NT5DC3: variants seen among roughly 807,000 people sequenced by gnomAD.
The protein encoded by NT5DC3 is 5'-nucleotidase domain containing 3.
Under a neutral mutation model 67.8 loss-of-function variants are expected in NT5DC3, and 42 were observed. The ratio of observed to expected loss-of-function variants is 0.62; its 90% confidence interval spans 0.48 to 0.80. The LOEUF (loss-of-function observed/expected upper bound fraction) is 0.80, where lower values mean the gene tolerates loss of function less well. NT5DC3 is among the 30% of genes least tolerant of loss of function. The pLI, the probability that NT5DC3 is intolerant of heterozygous loss-of-function variation, is 0.00. For synonymous variants in NT5DC3, 237 were observed against 255.6 expected (o/e 0.93, Z 0.69); for missense variants, 570 against 696.4 (o/e 0.82, Z 2.04).
chr12:103,835,597 T>C (rs1888112400), intron 1 of NT5DC3, among the ~76,000 whole-genome samples: 1 of 151,834 alleles, frequency 6.6e-6, no homozygotes, highest in African/African-American at 2.4e-5. Flanking sequence ...CTCCACCTCT[T>C]ACTAAATGTG....
At chr12:103,780,685 G>A (rs1198681974) in intron 12 of NT5DC3, among the ~76,000 whole-genome samples, 1 of 152,190 alleles carries the variant, frequency 6.6e-6, no homozygotes, top group Non-Finnish European at 1.5e-5. Flanking sequence ...ACACATGTAT[G>A]TGATATATCC....
chr12:103,755,997 G>T, the NT5DC3 span, among the ~76,000 whole-genome samples: 2 of 152,204 alleles, frequency 1.3e-5, no homozygotes, highest in Non-Finnish European at 2.9e-5. Context: ...GTTAATAGTT[G>T]TGAAGCATTT....
chr12:103,830,102 G>A (rs990223201), intron 1 of NT5DC3, among the ~76,000 whole-genome samples: 3 of 152,148 alleles, frequency 2.0e-5, no homozygotes, highest in Admixed American at 6.5e-5. Context: ...CGCAATAGGC[G>A]CTATTTTAAA....
chr12:103,832,551 C>T (rs963737123), intron 1 of NT5DC3, among the ~76,000 whole-genome samples: 2 of 151,880 alleles, frequency 1.3e-5, no homozygotes, highest in African/African-American at 4.8e-5. Flanking sequence ...TCCTCTTTAC[C>T]CTACCCAGAA....
chr12:103,749,159 G>A, the NT5DC3 span: 1 of 1,591,164 alleles, frequency 6.3e-7, no homozygotes, highest in Non-Finnish European at 8.6e-7. Context: ...CAGGCCCGGT[G>A]AGTCGCTCTT....
the NT5DC3 span, among the ~76,000 whole-genome samples, chr12:103,748,012 AAAG>A: frequency 6.8e-6 from 1 of 147,884 alleles, no homozygotes; most frequent in African/African-American, 2.5e-5. Flanking sequence ...AAAAAAAAAA[AAAG>A]GGAAGAAGAA....
At chr12:103,827,889 C>T (rs1267532245) in intron 1 of NT5DC3, among the ~76,000 whole-genome samples, 1 of 152,182 alleles carries the variant, frequency 6.6e-6, no homozygotes, top group Non-Finnish European at 1.5e-5. Context: ...TCTAAAATTA[C>T]ATCATGTCAA....
the NT5DC3 span, among the ~76,000 whole-genome samples, chr12:103,762,931 C>T: frequency 6.6e-6 from 1 of 152,196 alleles, no homozygotes; most frequent in Non-Finnish European, 1.5e-5. Context: ...GGGGCAGCAG[C>T]ACAGCGGTTG....
the NT5DC3 span, among the ~76,000 whole-genome samples, chr12:103,757,002 T>A: frequency 0.046 from 665 of 14,552 alleles, 10 homozygotes; most frequent in African/African-American, 0.25. Flanking sequence ...GGAAAATATA[T>A]ATATATATAT....
intron 9 of NT5DC3, chr12:103,789,189 C>T: frequency 5.5e-6 from 2 of 366,510 alleles, no homozygotes; most frequent in East Asian, 4.4e-5. Flanking sequence ...TTTGGGAAGC[C>T]AAGGCAGGTG....
chr12:103,754,487 G>A, the NT5DC3 span, among the ~76,000 whole-genome samples: 1 of 152,038 alleles, frequency 6.6e-6, no homozygotes, highest in Non-Finnish European at 1.5e-5. Flanking sequence ...AGTTAAAGGT[G>A]TTGACACATG....
rs146633362 is a variant in NT5DC3 at position 103,793,963 on chromosome 12, A to G, written c.788T>C (p.Met263Thr). The G allele has an allele frequency of 1.1e-4, 171 of 1,613,640 alleles. No individual in the cohort carries two copies. The highest frequency in any genetic ancestry group is 1.3e-4 in the Non-Finnish European group (150 of 1,179,662). ...AATGTCTGCTTCAATTGCTCTGTAC[A>G]TTATTCCTTTGATGTGGACGTCTCG... is the stretch of plus-strand genomic sequence containing the variant. Reference protein sequence around the residue: ...SIRDVHIKGIMYRAIEADIEK... With the variant: ...SIRDVHIKGITYRAIEADIEK... The change falls in exon 7 of 14, where the codon ATG (methionine) becomes ACG (threonine). Residue 263 changes from methionine (M) to threonine (T), a missense_variant. By Grantham distance (81) the Met-to-Thr change is moderately conservative. Around this residue, in one of 2 missense-constraint regions of NT5DC3, gnomAD observed 466 missense variants for 608.0 expected, o/e 0.77. Coordinates refer to ENST00000392876, the MANE Select transcript of NT5DC3 (RefSeq NM_001031701.3).
At chr12:103,840,433 TCCATCCCATC>T (rs1183284305) in intron 1 of NT5DC3, among the ~76,000 whole-genome samples, 9 of 123,830 alleles carry the variant, frequency 7.3e-5, no homozygotes, top group East Asian at 5.2e-4. Flanking sequence ...TCCATCCCAT[TCCATCCCATC>T]CCATCCCATC....
At chr12:103,823,196 A>G (rs1336441958) in intron 1 of NT5DC3, among the ~76,000 whole-genome samples, 1 of 151,654 alleles carries the variant, frequency 6.6e-6, no homozygotes, top group Non-Finnish European at 1.5e-5. Flanking sequence ...GAAGAGGTGA[A>G]AAATTTCCCG....
chr12:103,766,162 C>T, downstream of NT5DC3: 3 of 1,315,286 alleles, frequency 2.3e-6, no homozygotes, highest in African/African-American at 1.4e-5. Flanking sequence ...AACAAACACG[C>T]CCAGCACATA....
At chr12:103,759,035 G>C in the NT5DC3 span, 1 of 1,594,724 alleles carries the variant, frequency 6.3e-7, no homozygotes. Flanking sequence ...GGAAAGCCTA[G>C]GCCATGAGAA....
chr12:103,780,613 G>A (rs1037039692), intron 12 of NT5DC3, among the ~76,000 whole-genome samples: 5 of 152,146 alleles, frequency 3.3e-5, no homozygotes, highest in Admixed American at 6.5e-5. Context: ...GTATTATGAA[G>A]TTATTAACCT....
In NT5DC3 at chr12:103,777,870, T is replaced by TG. The variant is rs1305029344; in HGVS notation, c.1605dup (p.Thr536HisfsTer20). 1 of 1,613,738 alleles carries TG rather than the reference T, an allele frequency of 6.2e-7. No individual in the cohort carries two copies. Among genetic ancestry groups the TG allele is most frequent in the East Asian group, 2.2e-5 (1 of 44,868 alleles). On this transcript the variant is annotated frameshift_variant, in exon 14 of 14. Coordinates refer to ENST00000392876, the MANE Select transcript of NT5DC3 (RefSeq NM_001031701.3). LOFTEE classifies it high-confidence loss of function. The stretch of plus-strand genomic sequence containing the variant: ...TCCTGCAGGAGAGGGGTTCCGAAGG[T>TG]GGGGGGCCTTTCTGACCAGGCGGGC...
intron 11 of NT5DC3, 53 bp downstream of exon 11, chr12:103,787,388 G>A: frequency 1.2e-6 from 1 of 817,108 alleles, no homozygotes; most frequent in Non-Finnish European, 1.9e-6. Context: ...ACATTCTTTA[G>A]TAAGTGAGAC....
Sources: allele counts gnomAD v4.1 joint callset (sites outside exome capture counted in the v4.1 genomes callset), GRCh38; gene constraint gnomAD v4.1.1; regional missense constraint gnomAD v4.1.1; transcripts MANE v1.5; gene names NCBI Gene and HGNC (gene_info 2026-07-23, HGNC 2026-07-21).